DAAM1: variants seen among roughly 807,000 people sequenced by gnomAD.
DAAM1 encodes the protein dishevelled associated activator of morphogenesis 1.
Under a neutral mutation model 130.0 loss-of-function variants are expected in DAAM1, and 52 were observed. The ratio of observed to expected loss-of-function variants is 0.40; its 90% CI spans 0.32 to 0.50. DAAM1 has a LOEUF of 0.50. Ranked by LOEUF, DAAM1 falls within the 20% of genes least tolerant of loss-of-function variation. The probability of loss-of-function intolerance (pLI) is 0.61; values close to 1 mark genes in which losing one functional copy is unlikely to be tolerated. For missense variants in DAAM1, 1,134 were observed against 1,303.8 expected, an observed-to-expected ratio of 0.87 and a Z score of 2.01; for synonymous variants, 452 against 444.5, an observed-to-expected ratio of 1.02 and a Z score of -0.21.
intron 1 of DAAM1, among the ~76,000 whole-genome samples, chr14:59,195,410 T>C (rs1887858601): frequency 6.6e-6 from 1 of 152,182 alleles, no homozygotes; most frequent in Non-Finnish European, 1.5e-5. Flanking sequence ...CCCAAAGAGC[T>C]GGGATTACAG....
intron 2 of DAAM1, among the ~76,000 whole-genome samples, chr14:59,275,198 C>A (rs1009397864): frequency 6.6e-6 from 1 of 152,086 alleles, no homozygotes; most frequent in African/African-American, 2.4e-5. Flanking sequence ...GGTGCTGTAT[C>A]CCCGGAGATG....
intron 20 of DAAM1, among the ~76,000 whole-genome samples, chr14:59,357,925 C>T (rs1395527515): frequency 1.3e-5 from 2 of 152,156 alleles, no homozygotes; most frequent in Admixed American, 1.3e-4. Flanking sequence ...TTAAGGATTG[C>T]ATTGTTTCTA....
intron 1 of DAAM1, among the ~76,000 whole-genome samples, chr14:59,235,639 T>A (rs905600859): frequency 6.6e-6 from 1 of 152,304 alleles, no homozygotes; most frequent in African/African-American, 2.4e-5. Flanking sequence ...CTCTGTCTCC[T>A]TCAGTTTTGC....
intron 20 of DAAM1, among the ~76,000 whole-genome samples, chr14:59,358,774 C>T (rs1007032128): frequency 2.7e-5 from 4 of 150,530 alleles, no homozygotes; most frequent in South Asian, 2.1e-4. Context: ...ACCCAGGAGG[C>T]GGAGGTTGCA....
intron 3 of DAAM1, among the ~76,000 whole-genome samples, chr14:59,299,349 C>T (rs1884082675): frequency 6.6e-6 from 1 of 152,152 alleles, no homozygotes; most frequent in Non-Finnish European, 1.5e-5. Context: ...ATTTCTCGCT[C>T]CTCTGTAAAA....
intron 7 of DAAM1, 50 bp from the exon 8 acceptor site, chr14:59,324,301 A>G (rs190088902): frequency 4.6e-5 from 67 of 1,455,254 alleles, no homozygotes; most frequent in Non-Finnish European, 5.8e-5. Context: ...AGTGATTATT[A>G]TGTAGTCTAA....
chr14:59,350,364 C>A (rs1455584285), intron 17 of DAAM1, among the ~76,000 whole-genome samples: 2 of 152,010 alleles, frequency 1.3e-5, no homozygotes, highest in African/African-American at 4.8e-5. Context: ...CATAAACACA[C>A]CCCTACATAC....
chr14:59,275,172 C>T (rs2139529678), intron 2 of DAAM1, among the ~76,000 whole-genome samples: 1 of 152,300 alleles, frequency 6.6e-6, no homozygotes, highest in Non-Finnish European at 1.5e-5. Flanking sequence ...CCTTTCTTGT[C>T]TGTCACTTTA....
intron 1 of DAAM1, among the ~76,000 whole-genome samples, chr14:59,196,789 C>G (rs73295906): frequency 0.063 from 9,511 of 152,026 alleles, 976 homozygotes; most frequent in African/African-American, 0.22. Flanking sequence ...CACAAAAAAA[C>G]TAATTGTAAG....
intron 2 of DAAM1, among the ~76,000 whole-genome samples, chr14:59,271,852 A>G (rs1011235116): frequency 4.6e-5 from 7 of 152,338 alleles, no homozygotes; most frequent in Non-Finnish European, 7.4e-5. Flanking sequence ...AACTTGCCTT[A>G]TAAGTGAAGA....
intron 2 of DAAM1, among the ~76,000 whole-genome samples, chr14:59,272,695 T>G (rs1882777433): frequency 1.3e-5 from 2 of 151,114 alleles, no homozygotes; most frequent in Non-Finnish European, 3.0e-5. Context: ...GGGGGAGAGA[T>G]CTTCCTTTGA....
chr14:59,257,130 T>C (rs935991380), intron 1 of DAAM1, among the ~76,000 whole-genome samples: 1 of 152,028 alleles, frequency 6.6e-6, no homozygotes, highest in African/African-American at 2.4e-5. Flanking sequence ...GACAAGTGCC[T>C]AAGGAGAACT....
intron 1 of DAAM1, among the ~76,000 whole-genome samples, chr14:59,192,755 C>T (rs1317848009): frequency 2.0e-5 from 3 of 152,038 alleles, no homozygotes; most frequent in Non-Finnish European, 4.4e-5. Flanking sequence ...GTAGTGGTTT[C>T]AAGACCTCAA....
At chr14:59,321,379 C>T (rs1273848047) in intron 5 of DAAM1, among the ~76,000 whole-genome samples, 1 of 152,222 alleles carries the variant, frequency 6.6e-6, no homozygotes, top group Non-Finnish European at 1.5e-5. Flanking sequence ...TCACACAGCT[C>T]TGTGAATATA....
intron 1 of DAAM1, among the ~76,000 whole-genome samples, chr14:59,215,649 G>A (rs998539655): frequency 6.6e-6 from 1 of 152,144 alleles, no homozygotes; most frequent in African/African-American, 2.4e-5. Context: ...AGGCAAGTCC[G>A]GTGGCTCTGG....
rs751251823 is a variant in DAAM1, at chr14:59,326,598, C to T, written c.1263C>T (p.Asp421=). 1 of 1,613,792 alleles carries T rather than the reference C, an allele frequency of 6.2e-7. No homozygotes were observed. Among genetic ancestry groups the T allele is most frequent in the South Asian group, 1.1e-5 (1 of 91,046 alleles). The change falls in exon 11 of 25, where the codon GAC becomes GAT. Residue 421 remains aspartate (D), a synonymous_variant. Transcript: ENST00000360909. ...TTATCCAGAATGACAAAGGACAGGA[C>T]CCTGACTCCACACCTTTGGAAAACT... ...QIVIQNDKGQ[D]PDSTPLENFN...
At chr14:59,260,549 A>T (rs1479030722) in intron 1 of DAAM1, among the ~76,000 whole-genome samples, 3 of 152,140 alleles carry the variant, frequency 2.0e-5, no homozygotes, top group Non-Finnish European at 4.4e-5. Context: ...GTAGTCTGTT[A>T]TCTAGTTGTA....
At chr14:59,191,387 T>TC (rs1887725662) in intron 1 of DAAM1, among the ~76,000 whole-genome samples, 1 of 151,876 alleles carries the variant, frequency 6.6e-6, no homozygotes, top group South Asian at 2.1e-4. Context: ...TCCTTTTCTG[T>TC]CCCCCCAGCA....
chr14:59,189,866 A>G (rs958871343), intron 1 of DAAM1, among the ~76,000 whole-genome samples: 10 of 152,074 alleles, frequency 6.6e-5, no homozygotes, highest in African/African-American at 1.9e-4. Context: ...CTCTCGCCCC[A>G]TAACATATTT....
Sources: allele counts gnomAD v4.1 joint callset (sites outside exome capture counted in the v4.1 genomes callset), GRCh38; gene constraint gnomAD v4.1.1; transcripts MANE v1.5; gene names NCBI Gene and HGNC (gene_info 2026-07-23, HGNC 2026-07-21).